Variants in QTGAL observed in about 807,000 individuals in gnomAD.
QTGAL encodes the protein queuosine-tRNA galactosyltransferase, also known as BGnT-like protein 1.
chr17:82,957,892 C>T, the QTGAL span, among the ~76,000 whole-genome samples: 1 of 152,168 alleles, frequency 6.6e-6, no homozygotes, highest in Non-Finnish European at 1.5e-5. Flanking sequence ...TGGACACGAC[C>T]TTCTGCCTCA....
chr17:82,972,551 G>A, the QTGAL span, among the ~76,000 whole-genome samples: 6 of 115,094 alleles, frequency 5.2e-5, no homozygotes, highest in Non-Finnish European at 8.8e-5. Context: ...ACACCACAGG[G>A]GATAGAAGGA....
chr17:82,984,093 CGGGGG>C, the QTGAL span, among the ~76,000 whole-genome samples: 1 of 106,742 alleles, frequency 9.4e-6, no homozygotes, highest in African/African-American at 3.7e-5. Context: ...CGTGAGCACA[CGGGGG>C]AGAGATCATG....
At chr17:82,975,336 C>T in the QTGAL span, among the ~76,000 whole-genome samples, 1 of 8,064 alleles carries the variant, frequency 1.2e-4, no homozygotes, top group Non-Finnish European at 2.2e-4. Flanking sequence ...CCAGAGGCCA[C>T]TATGGAGAGT....
the QTGAL span, among the ~76,000 whole-genome samples, chr17:83,021,924 G>A: frequency 3.3e-5 from 5 of 152,254 alleles, no homozygotes; most frequent in African/African-American, 9.6e-5. Flanking sequence ...TGGATCCACT[G>A]ATTTTCAACA....
chr17:83,029,432 G>A, the QTGAL span, among the ~76,000 whole-genome samples: 44 of 152,260 alleles, frequency 2.9e-4, no homozygotes, highest in East Asian at 4.6e-3. Flanking sequence ...GATGATGAGC[G>A]CGGAATTTGG....
the QTGAL span, among the ~76,000 whole-genome samples, chr17:82,954,832 TCTA>T: frequency 6.6e-6 from 1 of 152,046 alleles, no homozygotes; most frequent in Non-Finnish European, 1.5e-5. Context: ...ACACCACACA[TCTA>T]CAACCATCTG....
the QTGAL span, chr17:82,981,270 C>A: frequency 6.6e-6 from 1 of 152,228 alleles, no homozygotes; most frequent in African/African-American, 2.4e-5. Flanking sequence ...CCACGTATAA[C>A]CTTGGACTCC....
At chr17:83,006,301 G>A in the QTGAL span, 3 of 985,406 alleles carry the variant, frequency 3.0e-6, no homozygotes, top group South Asian at 9.4e-5. The surrounding 1 kb of genome is among the most constrained non-coding windows in gnomAD (Gnocchi z 5.8). Context: ...TACGCGTAGT[G>A]AGTGATTCTT....
chr17:82,946,514 CAT>C, the QTGAL span, among the ~76,000 whole-genome samples: 1 of 150,384 alleles, frequency 6.6e-6, no homozygotes, highest in African/African-American at 2.4e-5. Flanking sequence ...AATAAAGTGT[CAT>C]AAGGCACGGT....
the QTGAL span, among the ~76,000 whole-genome samples, chr17:82,959,323 A>G: frequency 6.6e-6 from 1 of 151,856 alleles, no homozygotes; most frequent in Non-Finnish European, 1.5e-5. Flanking sequence ...ACATGCCTGC[A>G]TGTACCGTGC....
chr17:82,981,903 G>T, the QTGAL span, among the ~76,000 whole-genome samples: 1 of 152,266 alleles, frequency 6.6e-6, no homozygotes, highest in Admixed American at 6.5e-5. Context: ...AGAAAAGAAA[G>T]TGTTACTAAG....
At chr17:83,041,834 A>G in the QTGAL span, among the ~76,000 whole-genome samples, 1 of 152,234 alleles carries the variant, frequency 6.6e-6, no homozygotes, top group African/African-American at 2.4e-5. Context: ...AAAGAAAAAC[A>G]CTGTCAATTA....
chr17:82,958,556 A>C, the QTGAL span, among the ~76,000 whole-genome samples: 11 of 152,060 alleles, frequency 7.2e-5, no homozygotes, highest in Non-Finnish European at 8.8e-5. Flanking sequence ...CTCCCCCCCA[A>C]CCCTGTGGCA....
the QTGAL span, chr17:83,051,652 C>G: frequency 7.8e-7 from 1 of 1,287,442 alleles, no homozygotes; most frequent in South Asian, 1.7e-5. Flanking sequence ...CTGCGAACCC[C>G]GGAGCGAGAG....
At chr17:82,969,553 G>A in the QTGAL span, among the ~76,000 whole-genome samples, 22 of 152,172 alleles carry the variant, frequency 1.4e-4, no homozygotes, top group Admixed American at 9.8e-4. Context: ...CGCGCCAGTG[G>A]TCCCAGCAGA....
At chr17:82,954,762 T>C in the QTGAL span, among the ~76,000 whole-genome samples, 4 of 152,180 alleles carry the variant, frequency 2.6e-5, no homozygotes, top group South Asian at 2.1e-4. Flanking sequence ...CAAAACAGCA[T>C]GGTACTGGTA....
the QTGAL span, among the ~76,000 whole-genome samples, chr17:82,976,022 G>C: frequency 1.3e-5 from 1 of 77,264 alleles, no homozygotes. Flanking sequence ...TATGGGGAAC[G>C]AGGGCCCCGG....
the QTGAL span, chr17:83,006,284 T>C: frequency 8.1e-6 from 8 of 985,564 alleles, 1 homozygote; most frequent in African/African-American, 1.0e-4. The surrounding 1 kb of genome is among the most constrained non-coding windows in gnomAD (Gnocchi z 5.8). Context: ...CCAACTTGTG[T>C]AGCGTTTACG....
the QTGAL span, among the ~76,000 whole-genome samples, chr17:82,960,023 A>C: frequency 1.3e-5 from 2 of 152,202 alleles, no homozygotes; most frequent in African/African-American, 4.8e-5. Context: ...CAAAAGCACA[A>C]GACAGCATTT....
Sources: gnomAD v4.1 joint callset for allele counts (sites outside exome capture counted in the v4.1 genomes callset) on GRCh38, gnomAD v4.1.1 for gene constraint, Gnocchi (gnomAD v3.1) non-coding constraint, MANE v1.5 for transcripts, NCBI Gene and HGNC (gene_info 2026-07-23, HGNC 2026-07-21) for gene names.